WASL: variants seen among roughly 807,000 people sequenced by gnomAD.
The protein encoded by WASL is WASP like actin nucleation promoting factor.
WASL carries 20 observed loss-of-function variants against 55.5 expected under a neutral mutation model. That is an observed-to-expected ratio of 0.36 (90% CI 0.25 to 0.52). The LOEUF (loss-of-function observed/expected upper bound fraction) is 0.52, where lower values mean the gene tolerates loss of function less well. WASL is among the 20% of genes least tolerant of loss of function. The probability of loss-of-function intolerance (pLI) is 0.92; values close to 1 mark genes in which losing one functional copy is unlikely to be tolerated. For missense variants in WASL, 504 were observed against 622.5 expected (o/e 0.81, Z 2.03); for synonymous variants, 249 against 217.6 (o/e 1.14, Z -1.27).
intron 8 of WASL, among the ~76,000 whole-genome samples, chr7:123,694,156 A>G (rs1477103405): frequency 6.6e-6 from 1 of 152,194 alleles, no homozygotes; most frequent in Non-Finnish European, 1.5e-5. Context: ...TGGAAAATTT[A>G]GAGTATTTTA....
chr7:123,713,175 T>A (rs541271861), intron 1 of WASL, among the ~76,000 whole-genome samples: 6 of 152,298 alleles, frequency 3.9e-5, no homozygotes, highest in Non-Finnish European at 7.4e-5. Flanking sequence ...TGAGACAAGG[T>A]CTTGCTCTGT....
Position 123,696,608 on chromosome 7 carries a change from C to A in WASL, c.600G>T (p.Lys200Asn). 6.3e-7 allele frequency: 1 copy of A among 1,597,432 alleles called. No individual in the cohort carries two copies. Among genetic ancestry groups the A allele is most frequent in the South Asian group, 1.1e-5 (1 of 87,984 alleles). The change falls in exon 6 of 11, where the codon AAG (lysine) becomes AAT (asparagine). Residue 200 changes from lysine (K) to asparagine (N), a missense_variant. Coordinates refer to ENST00000223023, the MANE Select transcript of WASL (RefSeq NM_003941.4). ...AATTGCTTGGTGTTCCTATATCTGC[C>A]TTGGTTAATCTCTTCTTTTTAGCTT... ...KGKAKKKRLT[K>N]ADIGTPSNFQ...
chr7:123,690,563 G>A (rs1803392626), intron 9 of WASL, among the ~76,000 whole-genome samples: 2 of 46,920 alleles, frequency 4.3e-5, no homozygotes, highest in South Asian at 1.6e-3. Flanking sequence ...GATTATTTAG[G>A]ATAAAAATGG....
In WASL at chr7:123,706,323, A is replaced by C; in HGVS notation, c.390T>G (p.Phe130Leu). 1 of 1,613,670 alleles carries C rather than the reference A, an allele frequency of 6.2e-7. No homozygotes were observed. The highest frequency in any genetic ancestry group is 8.5e-7 in the Non-Finnish European group (1 of 1,179,768). Residue 130 changes from phenylalanine (F) to leucine (L), a missense_variant, in exon 4 of 11, where the codon TTT becomes TTG. Coordinates refer to ENST00000223023, the MANE Select transcript of WASL (RefSeq NM_003941.4). ...CCAAAAGGTCTGTAACTGCTTTTCG[A>C]AATTTTTTTGCTTCTTCTTCATTGG... ...NFANEEEAKKFRKAVTDLLGR... is the reference protein window; with the variant it reads ...NFANEEEAKKLRKAVTDLLGR...
At chr7:123,722,784 CAGAG>C (rs1803973087) in intron 1 of WASL, among the ~76,000 whole-genome samples, 1 of 152,072 alleles carries the variant, frequency 6.6e-6, no homozygotes, top group Non-Finnish European at 1.5e-5. Context: ...GCCTGGGTGA[CAGAG>C]GGAGACTCTG....
At chr7:123,727,612 A>G (rs2116811906) in intron 1 of WASL, among the ~76,000 whole-genome samples, 1 of 152,322 alleles carries the variant, frequency 6.6e-6, no homozygotes, top group Admixed American at 6.5e-5. Flanking sequence ...TCATGACAGA[A>G]ATCAGAAAGT....
At chr7:123,704,758 A>G in intron 4 of WASL, 101 bp from the exon 5 acceptor site, 1 of 721,212 alleles carries the variant, frequency 1.4e-6, no homozygotes, top group Non-Finnish European at 2.1e-6. Context: ...AAATTGACAT[A>G]CGTGTGACTA....
intron 1 of WASL, among the ~76,000 whole-genome samples, chr7:123,718,371 G>A (rs1036038606): frequency 2.6e-5 from 4 of 152,076 alleles, no homozygotes; most frequent in South Asian, 4.1e-4. Flanking sequence ...CTATCTAAGC[G>A]AATATATTCA....
intron 4 of WASL, among the ~76,000 whole-genome samples, chr7:123,705,099 A>T (rs1224208054): frequency 6.6e-6 from 1 of 152,230 alleles, no homozygotes; most frequent in Non-Finnish European, 1.5e-5. Context: ...GATAGTAAAA[A>T]GGATTGAGTA....
intron 1 of WASL, among the ~76,000 whole-genome samples, chr7:123,742,036 CT>C (rs1356557602): frequency 6.6e-6 from 1 of 152,108 alleles, no homozygotes; most frequent in Admixed American, 6.5e-5. Context: ...AATAAAATCC[CT>C]ACAACTGTCC....
intron 5 of WASL, among the ~76,000 whole-genome samples, chr7:123,701,432 G>A (rs1048660514): frequency 1.3e-5 from 2 of 152,148 alleles, no homozygotes; most frequent in Non-Finnish European, 2.9e-5. Context: ...TGAAAAACAG[G>A]TGGCCTAGAG....
rs938058189 is a variant in WASL, at chr7:123,692,744, G to A, written c.950C>T (p.Ala317Val). Residue 317 changes from alanine to valine, a missense_variant, in exon 9 of 11, where the codon GCT (alanine) becomes GTT (valine). By Grantham distance (64) the Ala-to-Val change is moderately conservative. Around this residue, in one of 5 missense-constraint regions of WASL, gnomAD observed 201 missense variants for 206.2 expected, o/e 0.97. Transcript: ENST00000223023. ...CGGTGGTGGAGGTGCAGCTGTGGGA[G>A]CTCTTGAAGGTGGTGGGGGAGGAGC... The part of the protein sequence containing the change: ...RGAPPPPPSR[A>V]PTAAPPPPPP... The A allele has an allele frequency of 2.0e-6, 3 of 1,506,920 alleles. No homozygotes were observed. Among genetic ancestry groups the A allele is most frequent in the Non-Finnish European group, 2.7e-6 (3 of 1,129,790 alleles). 93.3% of individuals were successfully genotyped at this position (1,506,920 alleles called of 1,614,324 possible). A position where few individuals can be genotyped will look rare whatever the true frequency, so the allele number is the denominator to read the frequency against.
chr7:123,685,032 T>C (rs770880874), intron 10 of WASL, among the ~76,000 whole-genome samples: 3 of 151,914 alleles, frequency 2.0e-5, no homozygotes, highest in Non-Finnish European at 4.4e-5. Flanking sequence ...GCCAAAAACC[T>C]AGAAATTATT....
intron 3 of WASL, 25 bp from the exon 4 acceptor site, chr7:123,706,398 G>A: frequency 6.3e-7 from 1 of 1,582,164 alleles, no homozygotes; most frequent in Non-Finnish European, 8.7e-7. Context: ...TCACAAAGGG[G>A]AAACAACAGA....
At chr7:123,742,672 T>G (rs984181930) in intron 1 of WASL, among the ~76,000 whole-genome samples, 20 of 152,200 alleles carry the variant, frequency 1.3e-4, no homozygotes. Context: ...CAAAAATACA[T>G]TATAATTACA....
intron 1 of WASL, among the ~76,000 whole-genome samples, chr7:123,713,127 TA>T (rs1429667058): frequency 2.8e-4 from 42 of 152,292 alleles, no homozygotes; most frequent in African/African-American, 9.9e-4. Flanking sequence ...TATACAATGT[TA>T]AAGAAAATAT....
chr7:123,728,630 A>C (rs1804090008), intron 1 of WASL, among the ~76,000 whole-genome samples: 1 of 152,180 alleles, frequency 6.6e-6, no homozygotes, highest in Non-Finnish European at 1.5e-5. Flanking sequence ...TCACGAGGTC[A>C]GGAGTTCAAG....
intron 1 of WASL, among the ~76,000 whole-genome samples, chr7:123,748,368 C>A (rs922933341): frequency 6.6e-6 from 1 of 152,116 alleles, no homozygotes; most frequent in Non-Finnish European, 1.5e-5. Flanking sequence ...CCCGGCCAGG[C>A]TGGAGGACAG....
At chr7:123,716,716 T>C (rs1463179343) in intron 1 of WASL, among the ~76,000 whole-genome samples, 2 of 152,050 alleles carry the variant, frequency 1.3e-5, no homozygotes, top group African/African-American at 4.8e-5. Context: ...TTTTGTTTTT[T>C]AACTTTGCTA....
Sources: gnomAD v4.1 joint callset for allele counts (sites outside exome capture counted in the v4.1 genomes callset) on GRCh38, gnomAD v4.1.1 for gene constraint, gnomAD v4.1.1 regional missense constraint, MANE v1.5 for transcripts, NCBI Gene and HGNC (gene_info 2026-07-23, HGNC 2026-07-21) for gene names.